Variants in CCSER1 observed in about 807,000 individuals in gnomAD.
CCSER1 encodes serine-rich coiled-coil domain-containing protein 1.
In CCSER1, 41 loss-of-function variants were observed where a neutral mutation model predicts 82.0. The ratio of observed to expected loss-of-function variants is 0.50; its 90% CI spans 0.39 to 0.65. The LOEUF is 0.65. Ranked by LOEUF, CCSER1 falls within the 30% of genes least tolerant of loss-of-function variation. The pLI is 0.00. For missense variants in CCSER1, 1,119 were observed against 1,064.2 expected (o/e 1.05, Z -0.72); for synonymous variants, 414 against 383.9 (o/e 1.08, Z -0.92).
At chr4:91,040,013 T>A (rs1466204231) in intron 9 of CCSER1, among the ~76,000 whole-genome samples, 1 of 152,132 alleles carries the variant, frequency 6.6e-6, no homozygotes, top group Admixed American at 6.6e-5. Flanking sequence ...TGACTCCAAT[T>A]TATATGTTTG....
At chr4:91,565,088 G>A (rs1299642291) in intron 10 of CCSER1, among the ~76,000 whole-genome samples, 1 of 145,780 alleles carries the variant, frequency 6.9e-6, no homozygotes, top group African/African-American at 2.5e-5. Flanking sequence ...GTGATGTGAA[G>A]AAGGGGTCCA....
At chr4:91,400,110 C>T (rs780289442) in intron 10 of CCSER1, among the ~76,000 whole-genome samples, 9 of 152,064 alleles carry the variant, frequency 5.9e-5, no homozygotes, top group East Asian at 1.9e-4. Flanking sequence ...TTCACTAAGA[C>T]GCAAATGTGC....
chr4:90,840,794 G>A (rs1762481857), intron 8 of CCSER1, among the ~76,000 whole-genome samples: 1 of 151,732 alleles, frequency 6.6e-6, no homozygotes, highest in African/African-American at 2.4e-5. Flanking sequence ...GCAAGTCACT[G>A]TGAATTTTGC....
intron 6 of CCSER1, among the ~76,000 whole-genome samples, chr4:90,714,398 G>A (rs1368582587): frequency 3.9e-5 from 6 of 151,948 alleles, no homozygotes; most frequent in South Asian, 4.1e-4. Flanking sequence ...GTTAAATGTC[G>A]TTAATAAAAC....
intron 1 of CCSER1, among the ~76,000 whole-genome samples, chr4:90,143,683 A>C (rs1452639679): frequency 1.4e-5 from 2 of 138,050 alleles, no homozygotes; most frequent in African/African-American, 2.5e-5. Flanking sequence ...CTCCATTCCT[A>C]CTTTTTTTTT....
intron 6 of CCSER1, among the ~76,000 whole-genome samples, chr4:90,720,809 A>G (rs1010797505): frequency 1.3e-5 from 2 of 152,026 alleles, no homozygotes; most frequent in East Asian, 1.9e-4. Flanking sequence ...AATAAATATA[A>G]TAGTAGCAGT....
At chr4:90,658,894 T>C (rs1010984159) in intron 6 of CCSER1, among the ~76,000 whole-genome samples, 7 of 152,196 alleles carry the variant, frequency 4.6e-5, no homozygotes, top group African/African-American at 4.8e-5. Context: ...TCTGTAGTTA[T>C]ATAGTTTAAG....
intron 1 of CCSER1, among the ~76,000 whole-genome samples, chr4:90,276,250 C>CTTTG (rs1266277696): frequency 9.4e-6 from 1 of 106,742 alleles, no homozygotes; most frequent in African/African-American, 3.8e-5. Flanking sequence ...TTCTTTCTTT[C>CTTTG]TTTCCTTCCT....
chr4:91,379,262 T>A (rs1279030197), intron 10 of CCSER1, among the ~76,000 whole-genome samples: 2 of 152,204 alleles, frequency 1.3e-5, no homozygotes, highest in African/African-American at 4.8e-5. Flanking sequence ...GATGCTGGCC[T>A]CATAAAATGA....
rs897313620 is a variant in CCSER1, at chr4:90,386,044, G to A, written c.1510-13992G>A. On this transcript the variant is annotated intron_variant, in intron 3 of 10. Coordinates refer to ENST00000509176, the MANE Select transcript of CCSER1 (RefSeq NM_001145065.2). The stretch of plus-strand genomic sequence containing the variant: ...AGTGGAAAAACATCTCATTCTCATG[G>A]ATTAGATGAATCAATATTGTGAAAA... Among the ~76,000 whole-genome samples, 12 of 152,074 alleles carry A rather than the reference G, an allele frequency of 7.9e-5. 1 individual carries two copies. Among genetic ancestry groups the A allele is most frequent in the Admixed American group, 5.2e-4 (8 of 15,266 alleles).
At chr4:91,160,126 A>G (rs1731233166) in intron 10 of CCSER1, among the ~76,000 whole-genome samples, 1 of 151,086 alleles carries the variant, frequency 6.6e-6, no homozygotes, top group Non-Finnish European at 1.5e-5. Context: ...GTTCCCACCT[A>G]TGAGTGAGAA....
At chr4:91,411,802 C>G (rs2149372876) in intron 10 of CCSER1, among the ~76,000 whole-genome samples, 1 of 149,416 alleles carries the variant, frequency 6.7e-6, no homozygotes, top group Non-Finnish European at 1.5e-5. Context: ...CCCCCAGGAT[C>G]TTTGCCTCTG....
chr4:91,353,905 G>T (rs1235004123), intron 10 of CCSER1, among the ~76,000 whole-genome samples: 1 of 152,074 alleles, frequency 6.6e-6, no homozygotes, highest in Non-Finnish European at 1.5e-5. Context: ...CACTTGCATG[G>T]GTACATGTGC....
At chr4:91,305,791 T>A (rs1745020285) in intron 10 of CCSER1, among the ~76,000 whole-genome samples, 1 of 151,872 alleles carries the variant, frequency 6.6e-6, no homozygotes, top group Non-Finnish European at 1.5e-5. Flanking sequence ...TGGGGAGGCC[T>A]CACAATCATG....
intron 5 of CCSER1, among the ~76,000 whole-genome samples, chr4:90,533,866 A>G (rs1473295927): frequency 6.6e-6 from 1 of 152,168 alleles, no homozygotes; most frequent in African/African-American, 2.4e-5. Flanking sequence ...TATCTATTAC[A>G]TTACAGGTAC....
At chr4:91,439,393 T>C (rs898610083) in intron 10 of CCSER1, among the ~76,000 whole-genome samples, 1 of 151,810 alleles carries the variant, frequency 6.6e-6, no homozygotes, top group South Asian at 2.1e-4. Flanking sequence ...GCTTCATAAG[T>C]GCAAGAGAAA....
At chr4:90,556,459 C>T (rs116521583) in intron 5 of CCSER1, among the ~76,000 whole-genome samples, 2,632 of 151,998 alleles carry the variant, frequency 0.017, 82 homozygotes, top group African/African-American at 0.06. Context: ...GTGGAGTGGC[C>T]GAACGCTTGT....
chr4:90,912,303 C>G (rs748389882), intron 8 of CCSER1, among the ~76,000 whole-genome samples: 1 of 152,168 alleles, frequency 6.6e-6, no homozygotes, highest in African/African-American at 2.4e-5. Flanking sequence ...TTCAGAGGAA[C>G]GATCAGGCAG....
chr4:90,904,001 G>A (rs1725066259), intron 8 of CCSER1, among the ~76,000 whole-genome samples: 1 of 151,582 alleles, frequency 6.6e-6, no homozygotes, highest in Admixed American at 6.6e-5. Context: ...TTTTTGACAG[G>A]AAACAAAACT....
Sources: gnomAD v4.1 joint callset for allele counts (sites outside exome capture counted in the v4.1 genomes callset) on GRCh38, gnomAD v4.1.1 for gene constraint, MANE v1.5 for transcripts, NCBI Gene and HGNC (gene_info 2026-07-23, HGNC 2026-07-21) for gene names.